HIVEP3: variants seen among roughly 807,000 people sequenced by gnomAD.
The protein encoded by HIVEP3 is HIVEP zinc finger 3.
In HIVEP3, 49 loss-of-function variants were observed where a neutral mutation model predicts 152.8. The observed-to-expected ratio is 0.32, with a 90% confidence interval of 0.26 to 0.41. HIVEP3 has a LOEUF of 0.41. HIVEP3 is among the 10% of genes least tolerant of loss of function. The probability of loss-of-function intolerance (pLI) is 1.00; values close to 1 mark genes in which losing one functional copy is unlikely to be tolerated. For synonymous variants in HIVEP3, 1,269 were observed against 1,289.0 expected, an observed-to-expected ratio of 0.98 and a Z score of 0.33; for missense variants, 2,790 against 3,103.3, an observed-to-expected ratio of 0.90 and a Z score of 2.40.
intron 5 of HIVEP3, among the ~76,000 whole-genome samples, chr1:41,534,571 GC>G (rs1161551304): frequency 2.5e-4 from 38 of 152,176 alleles, no homozygotes; most frequent in African/African-American, 8.9e-4. Flanking sequence ...TACTGCAATG[GC>G]CTTTTCACAA....
intron 1 of HIVEP3, among the ~76,000 whole-genome samples, chr1:42,009,959 C>T (rs1292141486): frequency 6.6e-6 from 1 of 152,174 alleles, no homozygotes; most frequent in Admixed American, 6.5e-5. Flanking sequence ...AAAACAGGGT[C>T]TTACCTGTTG....
chr1:41,846,289 A>G (rs1458301391), intron 1 of HIVEP3, among the ~76,000 whole-genome samples: 1 of 152,238 alleles, frequency 6.6e-6, no homozygotes, highest in African/African-American at 2.4e-5. Flanking sequence ...AATATTTGAA[A>G]AAGTTTCCAT....
At chr1:41,830,661 G>A (rs1336385133) in intron 1 of HIVEP3, among the ~76,000 whole-genome samples, 2 of 152,204 alleles carry the variant, frequency 1.3e-5, no homozygotes, top group African/African-American at 4.8e-5. Context: ...ACTCTAAAGA[G>A]CCATTTCAGC....
chr1:41,928,632 T>C (rs1644979740), intron 1 of HIVEP3, among the ~76,000 whole-genome samples: 2 of 152,226 alleles, frequency 1.3e-5, no homozygotes, highest in African/African-American at 4.8e-5. Context: ...TTCTCCTTGG[T>C]CTCCTCTGTT....
At chr1:41,891,640 G>C (rs1644448415) in intron 1 of HIVEP3, among the ~76,000 whole-genome samples, 1 of 152,186 alleles carries the variant, frequency 6.6e-6, no homozygotes, top group African/African-American at 2.4e-5. Flanking sequence ...GCTCCCTCCA[G>C]GTAAGAAAGG....
At chr1:41,635,489 T>TAC (rs56335707) in intron 2 of HIVEP3, among the ~76,000 whole-genome samples, 5,198 of 147,446 alleles carry the variant, frequency 0.035, 404 homozygotes, top group Middle Eastern at 0.099. Context: ...TATATATATA[T>TAC]ACACACACAT....
chr1:41,849,605 T>A (rs1323256895), intron 1 of HIVEP3, among the ~76,000 whole-genome samples: 1 of 152,064 alleles, frequency 6.6e-6, no homozygotes, highest in Non-Finnish European at 1.5e-5. Flanking sequence ...TGAATAAACA[T>A]CTTATTGCAA....
chr1:41,575,416 A>G, intron 5 of HIVEP3, 128 bp downstream of exon 5: 2 of 927,314 alleles, frequency 2.2e-6, no homozygotes, highest in Non-Finnish European at 3.3e-6. Flanking sequence ...GCTGAAAGGC[A>G]TCGCTGGGAC....
chr1:41,908,076 C>CA (rs1238959018), intron 1 of HIVEP3, among the ~76,000 whole-genome samples: 1 of 151,036 alleles, frequency 6.6e-6, no homozygotes, highest in African/African-American at 2.4e-5. Flanking sequence ...CAAAACAAAA[C>CA]AAAAAAATAG....
chr1:41,589,569 C>T (rs919134756), intron 3 of HIVEP3, among the ~76,000 whole-genome samples: 1 of 152,222 alleles, frequency 6.6e-6, no homozygotes, highest in African/African-American at 2.4e-5. Context: ...AGGGTGGACA[C>T]CCCAGAGGAC....
chr1:41,950,899 T>G (rs1244375873), intron 1 of HIVEP3, among the ~76,000 whole-genome samples: 2 of 152,356 alleles, frequency 1.3e-5, no homozygotes, highest in African/African-American at 2.4e-5. Context: ...AAATGATACT[T>G]TGTTAACAGG....
intron 2 of HIVEP3, among the ~76,000 whole-genome samples, chr1:41,655,700 C>A (rs1021022110): frequency 6.6e-6 from 1 of 151,980 alleles, no homozygotes; most frequent in African/African-American, 2.4e-5. Flanking sequence ...TGGCACTGAA[C>A]CCATCTGACA....
At chr1:41,830,737 TC>T (rs1208860645) in intron 1 of HIVEP3, among the ~76,000 whole-genome samples, 2 of 152,062 alleles carry the variant, frequency 1.3e-5, no homozygotes, top group Non-Finnish European at 2.9e-5. Context: ...CTTTTCCCTC[TC>T]CCCCACCCTG....
intron 1 of HIVEP3, among the ~76,000 whole-genome samples, chr1:41,982,107 C>T (rs1187833741): frequency 1.3e-5 from 2 of 152,162 alleles, no homozygotes; most frequent in Non-Finnish European, 2.9e-5. Flanking sequence ...ATTTCTTTAT[C>T]GTGGTACTTT....
chr1:41,600,629 G>A (rs572773545), intron 3 of HIVEP3, among the ~76,000 whole-genome samples: 6 of 152,128 alleles, frequency 3.9e-5, no homozygotes, highest in Non-Finnish European at 7.4e-5. Flanking sequence ...GATTGGTTGC[G>A]CAGCAATGTG....
At chr1:42,002,439 C>T (rs1570883364) in intron 1 of HIVEP3, among the ~76,000 whole-genome samples, 2 of 152,132 alleles carry the variant, frequency 1.3e-5, no homozygotes, top group African/African-American at 4.8e-5. Flanking sequence ...CACATGACAC[C>T]TCGGTTGCTG....
chr1:41,685,905 G>C (rs1044771520), intron 2 of HIVEP3, among the ~76,000 whole-genome samples: 2 of 152,166 alleles, frequency 1.3e-5, no homozygotes, highest in African/African-American at 4.8e-5. Context: ...GGGCTGGTGT[G>C]TGTTGGAACT....
chr1:41,649,815 C>T (rs1430019742), intron 2 of HIVEP3, among the ~76,000 whole-genome samples: 1 of 152,150 alleles, frequency 6.6e-6, no homozygotes. Flanking sequence ...TGAAAATATG[C>T]TCATTAAATC....
intron 1 of HIVEP3, among the ~76,000 whole-genome samples, chr1:41,716,471 C>T (rs1013590592): frequency 6.6e-6 from 1 of 152,198 alleles, no homozygotes; most frequent in Non-Finnish European, 1.5e-5. Context: ...GAAGGAGCTA[C>T]ATCTAGATTC....
Sources: gnomAD v4.1 joint callset for allele counts (sites outside exome capture counted in the v4.1 genomes callset) on GRCh38, gnomAD v4.1.1 for gene constraint, MANE v1.5 for transcripts, NCBI Gene and HGNC (gene_info 2026-07-23, HGNC 2026-07-21) for gene names.